Variants in PPP2R2A observed in about 807,000 individuals in gnomAD.
The protein encoded by PPP2R2A is protein phosphatase 2 regulatory subunit Balpha, also known as serine/threonine-protein phosphatase 2A 55 kDa regulatory subunit B alpha isoform.
In PPP2R2A, 9 loss-of-function variants were observed where a neutral mutation model predicts 53.2. The observed-to-expected ratio is 0.17, with a 90% CI of 0.10 to 0.30. The LOEUF (loss-of-function observed/expected upper bound fraction) is 0.30. Ranked by LOEUF, PPP2R2A falls within the 10% of genes least tolerant of loss-of-function variation. PPP2R2A has a pLI of 1.00. For missense variants in PPP2R2A, 235 were observed against 534.6 expected (o/e 0.44, Z 5.53); for synonymous variants, 169 against 174.2 (o/e 0.97, Z 0.23).
intron 8 of PPP2R2A, among the ~76,000 whole-genome samples, chr8:26,364,789 C>T (rs1400642621): frequency 1.3e-5 from 2 of 152,186 alleles, no homozygotes; most frequent in East Asian, 1.9e-4. Flanking sequence ...TGGGTTCACT[C>T]ATACACAGAT....
rs536939041 is a variant in PPP2R2A at position 26,370,484 on chromosome 8, TAA to T, written c.*74_*75del. 44 of 1,533,098 alleles carry T rather than the reference TAA, an allele frequency of 2.9e-5. No homozygotes were observed. The African/African-American group carries it at 4.5e-4, about 16-fold the overall frequency. 95.0% of individuals were successfully genotyped at this position (1,533,098 alleles called of 1,614,324 possible). On this transcript the variant is annotated 3_prime_UTR_variant, in exon 10 of 10. Transcript: ENST00000380737. The surrounding 1 kb of genome is among the most constrained non-coding windows in gnomAD (Gnocchi z 6.1). Reference sequence around the variant, plus strand: ...TAGTTGAATCTAGCATTCGTTCCTATAAAAGAGAGAGGTCCATTGTGGCGCCC... The same window carrying T: ...TAGTTGAATCTAGCATTCGTTCCTATAAGAGAGAGGTCCATTGTGGCGCCC...
intron 2 of PPP2R2A, among the ~76,000 whole-genome samples, chr8:26,333,776 G>A (rs538042499): frequency 1.4e-4 from 22 of 152,164 alleles, no homozygotes; most frequent in African/African-American, 5.3e-4. Context: ...ATAAGGAAAC[G>A]GCCTTATGAA....
chr8:26,333,238 T>C (rs1355125074), intron 2 of PPP2R2A, among the ~76,000 whole-genome samples: 3 of 152,224 alleles, frequency 2.0e-5, no homozygotes, highest in Non-Finnish European at 4.4e-5. Context: ...ATTCAACTCA[T>C]GGGCATGGCT....
intron 3 of PPP2R2A, among the ~76,000 whole-genome samples, chr8:26,351,094 TAG>T (rs1436369629): frequency 6.6e-6 from 1 of 152,184 alleles, no homozygotes; most frequent in Non-Finnish European, 1.5e-5. Flanking sequence ...TTTTTATAAA[TAG>T]AGATTATTAA....
intron 2 of PPP2R2A, among the ~76,000 whole-genome samples, chr8:26,337,940 A>G (rs1466489943): frequency 6.6e-6 from 1 of 152,216 alleles, no homozygotes; most frequent in Non-Finnish European, 1.5e-5. Context: ...GGTGAAATAC[A>G]TGTCAGTAAA....
rs755913364 is a variant in PPP2R2A, at chr8:26,354,662, C to T, written c.346+29C>T. On this transcript the variant is annotated intron_variant, in intron 4 of 9. Transcript: ENST00000380737. This position sits in a 1 kb window ranked among gnomAD's most constrained non-coding sequence, Gnocchi z 4.6. ...AGTATACATATTTTCTTTCCATGTG[C>T]CCACTGTGTGTACCTGTTGCACATA... 8.5e-6 allele frequency: 13 copies of T among 1,536,880 alleles called. No individual in the cohort carries two copies. Among genetic ancestry groups the T allele is most frequent in the African/African-American group, 5.5e-5 (4 of 73,028 alleles).
chr8:26,340,397 T>C (rs573308698), intron 3 of PPP2R2A, among the ~76,000 whole-genome samples: 2 of 152,190 alleles, frequency 1.3e-5, no homozygotes, highest in South Asian at 2.1e-4. Flanking sequence ...ATCTAGAGTT[T>C]AGAGCAGACC....
chr8:26,315,819 T>G (rs1802528516), intron 2 of PPP2R2A, among the ~76,000 whole-genome samples: 1 of 152,316 alleles, frequency 6.6e-6, no homozygotes, highest in Non-Finnish European at 1.5e-5. Flanking sequence ...TTACCGTCAT[T>G]TTAGTGGGTT....
At chr8:26,336,430 A>G (rs1419795763) in intron 2 of PPP2R2A, among the ~76,000 whole-genome samples, 1 of 152,068 alleles carries the variant, frequency 6.6e-6, no homozygotes, top group Non-Finnish European at 1.5e-5. Flanking sequence ...CCCCATCTCA[A>G]AAAATAATAA....
At chr8:26,358,079 C>G (rs1441610031) in intron 4 of PPP2R2A, among the ~76,000 whole-genome samples, 1 of 151,936 alleles carries the variant, frequency 6.6e-6, no homozygotes, top group Non-Finnish European at 1.5e-5. Context: ...CTGCCTTGTC[C>G]CCACCTTACT....
intron 6 of PPP2R2A, among the ~76,000 whole-genome samples, chr8:26,361,699 C>T (rs1805092227): frequency 6.6e-6 from 1 of 152,116 alleles, no homozygotes; most frequent in South Asian, 2.1e-4. Flanking sequence ...GGTGACTCAG[C>T]CTGTAATCCC....
intron 2 of PPP2R2A, among the ~76,000 whole-genome samples, chr8:26,317,893 C>T (rs1005529123): frequency 1.5e-4 from 23 of 152,242 alleles, no homozygotes; most frequent in Non-Finnish European, 2.1e-4. Flanking sequence ...CTTGTGTGCA[C>T]GGTCAGATCT....
chr8:26,345,316 T>C (rs1027113289), intron 3 of PPP2R2A, among the ~76,000 whole-genome samples: 8 of 152,226 alleles, frequency 5.3e-5, no homozygotes, highest in African/African-American at 1.7e-4. Context: ...CTCACACATA[T>C]AAAACATTTC....
rs1047968741 is a variant in PPP2R2A at position 26,362,419 on chromosome 8, C to T, written c.638-265C>T. ...TTTCTGGAGACTGATGCAGTAGAAT[C>T]GCTTGAACCTGGGAGTCGGAGGCTG... On this transcript the variant is annotated intron_variant, in intron 6 of 9. Coordinates refer to ENST00000380737, the MANE Select transcript of PPP2R2A (RefSeq NM_002717.4). The surrounding 1 kb of genome is among the most constrained non-coding windows in gnomAD (Gnocchi z 4.4). Among the ~76,000 whole-genome samples the T allele has an allele frequency of 6.6e-6, 1 of 151,278 alleles. No individual in the cohort carries two copies. Among genetic ancestry groups the T allele is most frequent in the Non-Finnish European group, 1.5e-5 (1 of 67,852 alleles).
chr8:26,306,056 C>G (rs1365864166), intron 2 of PPP2R2A, among the ~76,000 whole-genome samples: 2 of 152,014 alleles, frequency 1.3e-5, no homozygotes, highest in Non-Finnish European at 2.9e-5. Flanking sequence ...GCCTGTAATC[C>G]CAGCCACTCA....
Position 26,371,635 on chromosome 8 carries a change from A to G in PPP2R2A, c.*1222A>G, listed in dbSNP as rs978373299. 2 of 152,240 alleles carry G rather than the reference A, an allele frequency of 1.3e-5. No homozygotes were observed. The highest frequency in any genetic ancestry group is 2.4e-5 in the African/African-American group (1 of 41,480). 9.4% of individuals were successfully genotyped at this position (152,240 alleles called of 1,614,324 possible). A position where few individuals can be genotyped will look rare whatever the true frequency, so the allele number is the denominator to read the frequency against. On this transcript the variant is annotated 3_prime_UTR_variant, in exon 10 of 10. Transcript: ENST00000380737. Reference sequence around the variant, plus strand: ...AATACTTTTTTTGTATTTTACTGCTATCAAATCAGAATGAAATATACTTTA... The same window carrying G: ...AATACTTTTTTTGTATTTTACTGCTGTCAAATCAGAATGAAATATACTTTA...
At chr8:26,305,530 G>A (rs1325388897) in intron 2 of PPP2R2A, among the ~76,000 whole-genome samples, 2 of 152,080 alleles carry the variant, frequency 1.3e-5, no homozygotes, top group Admixed American at 6.5e-5. Flanking sequence ...TTTATGGGGA[G>A]GGGGCAGAGC....
intron 2 of PPP2R2A, among the ~76,000 whole-genome samples, chr8:26,315,296 C>G (rs1285745668): frequency 6.6e-6 from 1 of 151,934 alleles, no homozygotes; most frequent in Admixed American, 6.6e-5. Flanking sequence ...GGTGATGAGC[C>G]AGGGACCCGC....
chr8:26,312,126 T>C (rs1007170800), intron 2 of PPP2R2A, among the ~76,000 whole-genome samples: 1 of 152,244 alleles, frequency 6.6e-6, no homozygotes, highest in Admixed American at 6.5e-5. Context: ...CAAATATATT[T>C]AGAGCCCTTG....
Sources: allele counts gnomAD v4.1 joint callset (sites outside exome capture counted in the v4.1 genomes callset), GRCh38; gene constraint gnomAD v4.1.1; non-coding constraint Gnocchi (gnomAD v3.1); transcripts MANE v1.5; gene names NCBI Gene and HGNC (gene_info 2026-07-23, HGNC 2026-07-21).